Variants in FHIT observed in about 807,000 individuals in gnomAD.
FHIT encodes the protein fragile histidine triad diadenosine triphosphatase.
A neutral mutation model predicts 17.9 loss-of-function variants in FHIT; 19 were observed. The ratio of observed to expected loss-of-function variants is 1.06; its 90% confidence interval spans 0.74 to 1.56. The LOEUF (loss-of-function observed/expected upper bound fraction) is 1.56. Ranked by LOEUF, FHIT falls within the 40% of genes most tolerant of loss-of-function variation. FHIT has a pLI of 0.00. For synonymous variants in FHIT, 81 were observed against 69.7 expected, an observed-to-expected ratio of 1.16 and a Z score of -0.81; for missense variants, 248 against 189.2, an observed-to-expected ratio of 1.31 and a Z score of -1.82.
intron 3 of FHIT, among the ~76,000 whole-genome samples, chr3:60,888,861 C>T (rs6772719): frequency 0.28 from 41,848 of 152,008 alleles, 6,964 homozygotes; most frequent in African/African-American, 0.46. Context: ...ATCCATCACC[C>T]AGTTTCTCCC....
intron 5 of FHIT, among the ~76,000 whole-genome samples, chr3:60,063,206 TTA>T (rs1188252718): frequency 6.6e-6 from 1 of 152,170 alleles, no homozygotes; most frequent in African/African-American, 2.4e-5. Context: ...TTTGAGTACA[TTA>T]TAGTTAGATC....
intron 8 of FHIT, among the ~76,000 whole-genome samples, chr3:59,892,259 T>A (rs1017797159): frequency 3.3e-5 from 5 of 152,188 alleles, no homozygotes; most frequent in African/African-American, 1.2e-4. Flanking sequence ...CTAAGCAAAC[T>A]GACAAATTGC....
chr3:59,942,845 C>T (rs1322986333), intron 7 of FHIT, among the ~76,000 whole-genome samples: 2 of 151,886 alleles, frequency 1.3e-5, no homozygotes, highest in Non-Finnish European at 2.9e-5. Context: ...GACAGAGTCT[C>T]ACTATGTTGT....
At chr3:61,017,493 C>G (rs190273423) in intron 3 of FHIT, among the ~76,000 whole-genome samples, 13 of 152,240 alleles carry the variant, frequency 8.5e-5, no homozygotes, top group Non-Finnish European at 4.4e-5. Flanking sequence ...AAAAATTAGG[C>G]CTTGTTTCAG....
intron 5 of FHIT, chr3:60,536,650 A>G: frequency 2.2e-6 from 1 of 460,830 alleles, no homozygotes; most frequent in Non-Finnish European, 3.6e-6. Flanking sequence ...AAGTTCTGCA[A>G]CATTGATCAA....
chr3:60,014,574 G>T (rs1013654104), intron 5 of FHIT, among the ~76,000 whole-genome samples: 2 of 152,122 alleles, frequency 1.3e-5, no homozygotes, highest in Non-Finnish European at 2.9e-5. Context: ...GTAGAACATG[G>T]GGATAAATTT....
Position 60,244,694 on chromosome 3 carries a change from T to C in FHIT, c.104-230542A>G, listed in dbSNP as rs116156372. ...GTTCTGAATTGTGCTCAACAGTATT[T>C]ACCACACGTGTTGCTTGTTTATGAG... On this transcript the variant is annotated intron_variant, in intron 5 of 9. Transcript: ENST00000492590. Among the ~76,000 whole-genome samples the C allele has an allele frequency of 8.8e-3, 1,345 of 152,216 alleles. 11 individuals are homozygous for C. The highest frequency in any genetic ancestry group is 0.065 in the Middle Eastern group (19 of 294).
At chr3:60,519,689 T>C (rs1431588980) in intron 5 of FHIT, among the ~76,000 whole-genome samples, 1 of 152,192 alleles carries the variant, frequency 6.6e-6, no homozygotes, top group Admixed American at 6.5e-5. Context: ...ACAAGATGAA[T>C]CATCTGTCTA....
At chr3:60,949,744 G>A (rs782030373) in intron 3 of FHIT, among the ~76,000 whole-genome samples, 2 of 151,914 alleles carry the variant, frequency 1.3e-5, no homozygotes, top group African/African-American at 2.4e-5. Context: ...ATTTATTTAC[G>A]TCGTTGTTAT....
chr3:61,055,716 A>G (rs889061539), intron 2 of FHIT, among the ~76,000 whole-genome samples: 3 of 152,204 alleles, frequency 2.0e-5, no homozygotes, highest in African/African-American at 7.2e-5. Flanking sequence ...GATAAAAGTG[A>G]AGAAAAAATA....
rs1464504231 is a variant in FHIT, at chr3:60,705,130, T to C, written c.-18+116789A>G. Among the ~76,000 whole-genome samples, 4 of 151,870 alleles carry C rather than the reference T, an allele frequency of 2.6e-5. No individual in the cohort carries two copies. In the South Asian group the frequency reaches 6.2e-4, roughly 24 times the overall value. ...ACATAGGAGAAACCACAGAGAATGATACAAGATAGCAACAATCATACTTTA... is the reference window on the plus strand; with the variant it reads ...ACATAGGAGAAACCACAGAGAATGACACAAGATAGCAACAATCATACTTTA... On this transcript the variant is annotated intron_variant, in intron 4 of 9. Coordinates refer to ENST00000492590, the MANE Select transcript of FHIT (RefSeq NM_002012.4).
At position 59,772,541 on chromosome 3, in the gene FHIT, G is replaced by T. The variant is rs1035257659; in HGVS notation, c.349-20220C>A. On this transcript the variant is annotated intron_variant, in intron 8 of 9. Transcript: ENST00000492590. ...TGAGGAAGCTGAGCACAGAGAGGTC[G>T]GGGAACTGGCCCAGGTAGGCACAGG... 1.9e-4 allele frequency among the ~76,000 whole-genome samples: 29 copies of T among 152,162 alleles called. 1 individual carries two copies. The highest frequency in any genetic ancestry group is 6.8e-4 in the African/African-American group (28 of 41,432).
chr3:60,012,476 C>G lies in FHIT; in HGVS notation c.250-1076G>C, dbSNP rs1700181583. ...TAGGGACAGGGTTTTGCCATGTTGC[C>G]CAAGCTGATCTCAAACTCCTGAGCT... On this transcript the variant is annotated intron_variant, in intron 6 of 9. Coordinates refer to ENST00000492590, the MANE Select transcript of FHIT (RefSeq NM_002012.4). Among the ~76,000 whole-genome samples, 3 of 151,778 alleles carry G rather than the reference C, an allele frequency of 2.0e-5. No homozygotes were observed. The South Asian group carries it at 6.2e-4, about 32-fold the overall frequency.
intron 5 of FHIT, among the ~76,000 whole-genome samples, chr3:60,214,316 A>T (rs1335539461): frequency 6.6e-6 from 1 of 152,180 alleles, no homozygotes; most frequent in Non-Finnish European, 1.5e-5. Flanking sequence ...ATTTCAACAC[A>T]GCTATCCTTT....
At chr3:60,373,285 A>G (rs1700412965) in intron 5 of FHIT, among the ~76,000 whole-genome samples, 1 of 152,154 alleles carries the variant, frequency 6.6e-6, no homozygotes, top group Non-Finnish European at 1.5e-5. Flanking sequence ...AGGGTCAGAG[A>G]AGGATGACCT....
intron 5 of FHIT, among the ~76,000 whole-genome samples, chr3:60,519,952 C>T (rs1336137546): frequency 6.6e-6 from 1 of 152,192 alleles, no homozygotes; most frequent in African/African-American, 2.4e-5. Context: ...TAAACAGATA[C>T]TCCCAACACT....
intron 5 of FHIT, among the ~76,000 whole-genome samples, chr3:60,416,938 A>C (rs1445954549): frequency 6.6e-6 from 1 of 151,904 alleles, no homozygotes; most frequent in Non-Finnish European, 1.5e-5. Context: ...AATACAAAAA[A>C]ATTAGCCGGG....
chr3:59,782,604 A>C (rs926515987), intron 8 of FHIT, among the ~76,000 whole-genome samples: 1 of 152,184 alleles, frequency 6.6e-6, no homozygotes, highest in African/African-American at 2.4e-5. Context: ...CTTTCTGCAG[A>C]CAGTTCAATA....
Position 60,273,611 on chromosome 3 carries a change from C to CA in FHIT, c.104-259460dup, listed in dbSNP as rs1250786600. ...GCAACAGTGCAAGACTCCGTCGTCTCAAAAAAAAGAAAAAAGCCTCATTAT... is the reference window on the plus strand; with the variant it reads ...GCAACAGTGCAAGACTCCGTCGTCTCAAAAAAAAAGAAAAAAGCCTCATTAT... On this transcript the variant is annotated intron_variant, in intron 5 of 9. Transcript: ENST00000492590. Among the ~76,000 whole-genome samples, 3 of 150,664 alleles carry CA rather than the reference C, an allele frequency of 2.0e-5. No homozygotes were observed. The East Asian group carries it at 5.8e-4, about 29-fold the overall frequency.
Sources: allele counts gnomAD v4.1 joint callset (sites outside exome capture counted in the v4.1 genomes callset), GRCh38; gene constraint gnomAD v4.1.1; transcripts MANE v1.5; gene names NCBI Gene and HGNC (gene_info 2026-07-23, HGNC 2026-07-21).